Variants in INPP4A observed in about 807,000 individuals in gnomAD.
The protein encoded by INPP4A is inositol polyphosphate-4-phosphatase type I A.
In INPP4A, 33 loss-of-function variants were observed where a neutral mutation model predicts 119.8. That is an observed-to-expected ratio of 0.28 (90% CI 0.21 to 0.37). The LOEUF (loss-of-function observed/expected upper bound fraction) is 0.37. INPP4A is among the 10% of genes least tolerant of loss of function. INPP4A has a pLI of 1.00. For synonymous variants in INPP4A, 496 were observed against 500.7 expected, an observed-to-expected ratio of 0.99 and a Z score of 0.12; for missense variants, 956 against 1,289.9, an observed-to-expected ratio of 0.74 and a Z score of 3.97.
chr2:98,464,182 G>T (rs998638002), intron 1 of INPP4A, among the ~76,000 whole-genome samples: 6 of 152,158 alleles, frequency 3.9e-5, no homozygotes, highest in Admixed American at 3.9e-4. Context: ...ATCTTGCACA[G>T]GCTGGGGAAG....
intron 1 of INPP4A, among the ~76,000 whole-genome samples, chr2:98,475,819 G>C (rs919837714): frequency 6.6e-6 from 1 of 152,160 alleles, no homozygotes; most frequent in African/African-American, 2.4e-5. Context: ...CCTCTGGGGC[G>C]GGGGGAGCCT....
In INPP4A at chr2:98,574,637, C is replaced by CA. The variant is rs79411642; in HGVS notation, c.2631+1726dup. Among the ~76,000 whole-genome samples, 700 of 90,614 alleles carry CA rather than the reference C, an allele frequency of 7.7e-3. 5 individuals are homozygous for CA. The highest frequency in any genetic ancestry group is 0.022 in the African/African-American group (539 of 24,236). The allele number at this position is 90,614 out of a possible 152,430, so 59.4% of individuals were successfully genotyped here. ...TGGGTGATAGAGTGAGACTCCATCT[C>CA]AAAAAAAAAAAAAAAAGAATGCAGA... On this transcript the variant is annotated intron_variant, in intron 23 of 24. Transcript: ENST00000409851.
intron 4 of INPP4A, among the ~76,000 whole-genome samples, chr2:98,526,365 G>T (rs1056955749): frequency 3.9e-5 from 6 of 152,052 alleles, no homozygotes; most frequent in African/African-American, 1.4e-4. Context: ...GTATTTTATT[G>T]TATCCAATAA....
At position 98,589,499 on chromosome 2, in the gene INPP4A, T is replaced by C. The variant is rs2276603; in HGVS notation, c.*1891T>C. On this transcript the variant is annotated 3_prime_UTR_variant, in exon 25 of 25. Coordinates refer to ENST00000409851, the MANE Select transcript of INPP4A (RefSeq NM_001134225.2). ...AAATATCTGCACTCATCAAAGGGAA[T>C]ATAGCAAATGTTGATCATCTGTCAG... 43,087 of 181,478 alleles carry C rather than the reference T, an allele frequency of 0.24. 5,404 individuals are homozygous for C. The highest frequency in any genetic ancestry group is 0.32 in the Middle Eastern group (156 of 488). The allele number at this position is 181,478 out of a possible 1,614,324, so 11.2% of individuals were successfully genotyped here.
At chr2:98,501,974 G>A (rs1683211554) in intron 1 of INPP4A, among the ~76,000 whole-genome samples, 1 of 152,202 alleles carries the variant, frequency 6.6e-6, no homozygotes, top group South Asian at 2.1e-4. Flanking sequence ...GACTGATCCT[G>A]TGGGTATCTA....
intron 1 of INPP4A, among the ~76,000 whole-genome samples, chr2:98,450,763 G>A (rs1331460173): frequency 6.6e-6 from 1 of 152,106 alleles, no homozygotes; most frequent in Non-Finnish European, 1.5e-5. Context: ...TCTCTTAGTT[G>A]TCTCTTTCTG....
In INPP4A at chr2:98,555,702, C is replaced by A. The variant is rs1248831572; in HGVS notation, c.1716C>A (p.Asp572Glu). ...GSCTSKKGNP[D>E]SHAYWIRPED... is the part of the protein sequence containing the mutation. ...GCACCAGCAAGAAAGGTAACCCGGA[C>A]AGCCACGCCTACTGGATCAGACCAG... is the stretch of plus-strand genomic sequence containing the variant. Residue 572 changes from aspartate to glutamate, a missense_variant, in exon 16 of 25, where the codon GAC becomes GAA. Coordinates refer to ENST00000409851, the MANE Select transcript of INPP4A (RefSeq NM_001134225.2). 2 of 1,613,266 alleles carry A rather than the reference C, an allele frequency of 1.2e-6. No individual in the cohort carries two copies. The highest frequency in any genetic ancestry group is 1.7e-6 in the Non-Finnish European group (2 of 1,179,562).
rs1291115639 is a variant in INPP4A, at chr2:98,520,068, G to A, written c.20G>A (p.Ser7Asn). 1.9e-6 allele frequency: 3 copies of A among 1,583,476 alleles called. No individual in the cohort carries two copies. The highest frequency in any genetic ancestry group is 2.6e-6 in the Non-Finnish European group (3 of 1,163,480). The change falls in exon 3 of 25, where the codon AGC becomes AAC. Residue 7 changes from serine (S) to asparagine (N), a missense_variant. Ser to Asn is a conservative substitution (Grantham distance 46). This residue lies in a region of INPP4A where 652 missense variants were observed against 797.9 expected (regional missense o/e 0.82). Transcript: ENST00000409851. ...GACATCATGACAGCAAGAGAGCACA[G>A]CCCTCGCCATGGTGCCAGGGCCCGT... MTAREH[S>N]PRHGARARAM...
intron 1 of INPP4A, among the ~76,000 whole-genome samples, chr2:98,446,900 A>G (rs1306210951): frequency 1.3e-5 from 2 of 152,196 alleles, no homozygotes; most frequent in East Asian, 3.8e-4. Context: ...ATAATACACG[A>G]GAGCTATTTG....
At chr2:98,470,532 A>G (rs1208306423) in intron 1 of INPP4A, among the ~76,000 whole-genome samples, 6 of 152,256 alleles carry the variant, frequency 3.9e-5, no homozygotes, top group Non-Finnish European at 1.5e-5. Flanking sequence ...CTGAAGGAGC[A>G]GGAAGGGGAA....
rs569253748 is a variant in INPP4A, at chr2:98,577,082, C to T, written c.2725C>T (p.Leu909=). ...GGTGACACTGGAGCAGTGCCTGATC[C>T]TGCAACACGAGCATGGCATGGCCCC... ...MSVTLEQCLI[L]QHEHGMAPQV... is the part of the protein sequence containing the mutation. The change falls in exon 24 of 25, where the codon CTG becomes TTG. Residue 909 remains leucine, a synonymous_variant. Transcript: ENST00000409851. The T allele has an allele frequency of 3.2e-4, 518 of 1,613,950 alleles. 11 individuals are homozygous for T. In the South Asian group the frequency reaches 5.4e-3, roughly 17 times the overall value.
intron 4 of INPP4A, among the ~76,000 whole-genome samples, chr2:98,522,610 C>G (rs531696057): frequency 6.6e-6 from 1 of 151,864 alleles, no homozygotes; most frequent in Non-Finnish European, 1.5e-5. Flanking sequence ...GGAGGAAATG[C>G]AAAGAAAGAG....
intron 7 of INPP4A, 92 bp from the exon 8 acceptor site, chr2:98,537,771 C>A: frequency 1.1e-6 from 1 of 943,978 alleles, no homozygotes; most frequent in Non-Finnish European, 1.7e-6. Flanking sequence ...GCCCCCAGGA[C>A]CCTGATGACC....
intron 1 of INPP4A, among the ~76,000 whole-genome samples, chr2:98,500,331 G>GA (rs1330208670): frequency 2.0e-5 from 3 of 152,136 alleles, no homozygotes; most frequent in Admixed American, 6.5e-5. Flanking sequence ...ACCACTGTTT[G>GA]AGGGGGGAAA....
intron 18 of INPP4A, among the ~76,000 whole-genome samples, chr2:98,564,251 T>C (rs1007843947): frequency 6.6e-6 from 1 of 152,252 alleles, no homozygotes; most frequent in Non-Finnish European, 1.5e-5. Context: ...CCATGTTGTC[T>C]CTCACTTCTG....
At chr2:98,492,109 C>T (rs148227666) in intron 1 of INPP4A, among the ~76,000 whole-genome samples, 4 of 152,220 alleles carry the variant, frequency 2.6e-5, no homozygotes, top group East Asian at 1.9e-4. Context: ...AGGCTGATCT[C>T]GAACACTGAC....
chr2:98,540,565 C>G (rs1296098714), intron 10 of INPP4A, among the ~76,000 whole-genome samples: 1 of 152,180 alleles, frequency 6.6e-6, no homozygotes, highest in Middle Eastern at 3.2e-3. Context: ...TTCTAATGAT[C>G]AGAAAAGTAT....
intron 1 of INPP4A, among the ~76,000 whole-genome samples, chr2:98,471,463 A>C (rs1323053135): frequency 6.6e-6 from 1 of 152,208 alleles, no homozygotes; most frequent in Admixed American, 6.5e-5. Flanking sequence ...GTGGTATCTC[A>C]TCATATGTGG....
intron 2 of INPP4A, 183 bp from the exon 3 acceptor site, chr2:98,519,763 G>A: frequency 2.3e-6 from 1 of 426,446 alleles, no homozygotes; most frequent in Non-Finnish European, 4.3e-6. Flanking sequence ...CTGTGTTGGG[G>A]AGTGGGGAGG....
Sources: allele counts gnomAD v4.1 joint callset (sites outside exome capture counted in the v4.1 genomes callset), GRCh38; gene constraint gnomAD v4.1.1; regional missense constraint gnomAD v4.1.1; transcripts MANE v1.5; gene names NCBI Gene and HGNC (gene_info 2026-07-23, HGNC 2026-07-21).